The following ENTREP2 variants were observed in gnomAD, a reference collection of about 807,000 sequenced individuals.
ENTREP2 encodes the protein endosomal transmembrane epsin interactor 2, also known as protein ENTREP2.
chr15:29,455,687 T>C, the ENTREP2 span, among the ~76,000 whole-genome samples: 2 of 152,210 alleles, frequency 1.3e-5, no homozygotes, highest in Admixed American at 6.5e-5. Context: ...TATCAGTCCA[T>C]GGCCTGTTAG....
the ENTREP2 span, chr15:29,126,616 T>G: frequency 1.6e-4 from 126 of 773,058 alleles, no homozygotes; most frequent in African/African-American, 2.0e-3. Flanking sequence ...AAACACTGGA[T>G]AAGATTGACA....
At chr15:29,186,266 T>C in the ENTREP2 span, among the ~76,000 whole-genome samples, 1 of 152,194 alleles carries the variant, frequency 6.6e-6, no homozygotes, top group Admixed American at 6.5e-5. Context: ...GGAGGGACTG[T>C]CTCTCTGTAG....
At chr15:29,452,139 A>T in the ENTREP2 span, among the ~76,000 whole-genome samples, 16 of 152,194 alleles carry the variant, frequency 1.1e-4, no homozygotes, top group Admixed American at 9.8e-4. Context: ...AAACCCAGAA[A>T]TGTTTAACAC....
At chr15:29,537,461 T>C in the ENTREP2 span, among the ~76,000 whole-genome samples, 1 of 152,226 alleles carries the variant, frequency 6.6e-6, no homozygotes, top group Non-Finnish European at 1.5e-5. Flanking sequence ...CTGATTCTTC[T>C]TTTAGTCTAA....
At chr15:29,277,666 A>G in the ENTREP2 span, among the ~76,000 whole-genome samples, 146 of 152,306 alleles carry the variant, frequency 9.6e-4, 1 homozygote, top group African/African-American at 3.2e-3. Context: ...GGTTCCTAAC[A>G]GGCCACGAAC....
At chr15:29,256,177 G>A in the ENTREP2 span, among the ~76,000 whole-genome samples, 2 of 152,066 alleles carry the variant, frequency 1.3e-5, no homozygotes, top group Non-Finnish European at 2.9e-5. Flanking sequence ...CAGGCACTGA[G>A]GACTCCAACC....
At chr15:29,327,030 G>T in the ENTREP2 span, among the ~76,000 whole-genome samples, 1 of 151,916 alleles carries the variant, frequency 6.6e-6, no homozygotes, top group African/African-American at 2.4e-5. Flanking sequence ...AAGAAACCTA[G>T]ACATAAAACT....
At chr15:29,422,788 C>G in the ENTREP2 span, among the ~76,000 whole-genome samples, 1 of 152,150 alleles carries the variant, frequency 6.6e-6, no homozygotes, top group Non-Finnish European at 1.5e-5. Flanking sequence ...AGAGAAAGAA[C>G]AGTGCTGAGA....
the ENTREP2 span, among the ~76,000 whole-genome samples, chr15:29,210,737 T>C: frequency 3.9e-5 from 6 of 152,156 alleles, no homozygotes; most frequent in Non-Finnish European, 8.8e-5. Flanking sequence ...CTCTGTGTGG[T>C]CTTGCCTGGG....
At chr15:29,153,271 A>G in the ENTREP2 span, among the ~76,000 whole-genome samples, 1 of 152,106 alleles carries the variant, frequency 6.6e-6, no homozygotes, top group African/African-American at 2.4e-5. Flanking sequence ...TGTTTCACAT[A>G]GAGTCTTAGT....
the ENTREP2 span, among the ~76,000 whole-genome samples, chr15:29,159,213 G>A: frequency 1.3e-5 from 2 of 151,784 alleles, no homozygotes; most frequent in African/African-American, 2.4e-5. Flanking sequence ...CGCTGGCCTA[G>A]GAGTGAAACC....
At chr15:29,303,757 G>C in the ENTREP2 span, among the ~76,000 whole-genome samples, 16 of 150,642 alleles carry the variant, frequency 1.1e-4, no homozygotes, top group Non-Finnish European at 1.9e-4. Flanking sequence ...TTGGTTTTCT[G>C]TTCTTGCATT....
chr15:29,224,360 A>C, the ENTREP2 span, among the ~76,000 whole-genome samples: 1,364 of 152,238 alleles, frequency 9.0e-3, 21 homozygotes, highest in African/African-American at 0.031. Flanking sequence ...ACATTGAAAG[A>C]ACAAAGCTTC....
chr15:29,367,944 C>G, the ENTREP2 span, among the ~76,000 whole-genome samples: 19 of 58,676 alleles, frequency 3.2e-4, no homozygotes, highest in Admixed American at 1.4e-3. Context: ...GCCCAGTTTT[C>G]AACAAAAAAA....
chr15:29,173,166 G>C, the ENTREP2 span, among the ~76,000 whole-genome samples: 1 of 152,156 alleles, frequency 6.6e-6, no homozygotes, highest in Non-Finnish European at 1.5e-5. Flanking sequence ...CTGGGCACGT[G>C]TCCACTCCCA....
At chr15:29,625,160 G>C in the ENTREP2 span, among the ~76,000 whole-genome samples, 1 of 152,074 alleles carries the variant, frequency 6.6e-6, no homozygotes, top group African/African-American at 2.4e-5. Flanking sequence ...TTTTTACTAA[G>C]TAAAATGAAT....
At chr15:29,301,607 G>A in the ENTREP2 span, among the ~76,000 whole-genome samples, 4 of 152,292 alleles carry the variant, frequency 2.6e-5, no homozygotes, top group Admixed American at 6.5e-5. Flanking sequence ...ATGGTTGTAC[G>A]TTCAATGATG....
chr15:29,123,952 G>C, the ENTREP2 span, among the ~76,000 whole-genome samples: 3 of 152,314 alleles, frequency 2.0e-5, no homozygotes, highest in Admixed American at 2.0e-4. Context: ...ACAGGGGCTG[G>C]TCCTTCCCAG....
chr15:29,160,324 C>G, the ENTREP2 span, among the ~76,000 whole-genome samples: 101 of 152,280 alleles, frequency 6.6e-4, no homozygotes, highest in African/African-American at 2.3e-3. Flanking sequence ...AAGGGGCTCC[C>G]ACAGTGCAGC....
Sources: allele counts gnomAD v4.1 joint callset (sites outside exome capture counted in the v4.1 genomes callset), GRCh38; gene constraint gnomAD v4.1.1; transcripts MANE v1.5; gene names NCBI Gene and HGNC (gene_info 2026-07-23, HGNC 2026-07-21).